Variants in NAALADL2 observed in about 807,000 individuals in gnomAD.
NAALADL2 encodes N-acetylated alpha-linked acidic dipeptidase like 2, also known as inactive N-acetylated-alpha-linked acidic dipeptidase-like protein 2.
A neutral mutation model predicts 87.2 loss-of-function variants in NAALADL2; 76 were observed. The observed-to-expected ratio is 0.87, with a 90% CI of 0.72 to 1.05. NAALADL2 has a LOEUF of 1.05. Among genes scored for constraint, NAALADL2 ranks in the 50% least tolerant of loss-of-function variants. The pLI is 0.00. For synonymous variants in NAALADL2, 354 were observed against 331.0 expected, an observed-to-expected ratio of 1.07 and a Z score of -0.75; for missense variants, 1,089 against 945.8, an observed-to-expected ratio of 1.15 and a Z score of -1.99.
intron 1 of NAALADL2, among the ~76,000 whole-genome samples, chr3:174,477,867 G>GT (rs1255673621): frequency 6.6e-6 from 1 of 152,166 alleles, no homozygotes; most frequent in Non-Finnish European, 1.5e-5. Context: ...TTCTTTCAAT[G>GT]TTAGCCATGA....
At chr3:175,231,347 G>A (rs1744913827) in intron 2 of NAALADL2, among the ~76,000 whole-genome samples, 1 of 151,834 alleles carries the variant, frequency 6.6e-6, no homozygotes, top group African/African-American at 2.4e-5. Flanking sequence ...CGTATACGTT[G>A]TATATTATCT....
intron 2 of NAALADL2, among the ~76,000 whole-genome samples, chr3:174,727,032 TC>T (rs1415371059): frequency 3.9e-5 from 6 of 152,118 alleles, no homozygotes; most frequent in African/African-American, 1.4e-4. Flanking sequence ...TGCCTTAGAT[TC>T]TAGGGATGAA....
At chr3:175,093,217 A>C (rs1280230511) in intron 1 of NAALADL2, among the ~76,000 whole-genome samples, 3 of 151,542 alleles carry the variant, frequency 2.0e-5, no homozygotes, top group Admixed American at 1.3e-4. Context: ...TAAATATAAA[A>C]TTTTCATGTT....
At chr3:175,566,187 G>A (rs1020057556) in intron 9 of NAALADL2, among the ~76,000 whole-genome samples, 1 of 152,098 alleles carries the variant, frequency 6.6e-6, no homozygotes, top group Non-Finnish European at 1.5e-5. Context: ...GGGAGTCTTA[G>A]AATTGGGGAC....
At chr3:174,811,602 A>AT (rs1720218974) in intron 3 of NAALADL2, among the ~76,000 whole-genome samples, 1 of 152,080 alleles carries the variant, frequency 6.6e-6, no homozygotes, top group African/African-American at 2.4e-5. Flanking sequence ...ATTGTTTTTT[A>AT]TTTTATGAGC....
intron 3 of NAALADL2, among the ~76,000 whole-genome samples, chr3:174,834,666 A>AAAACAAATT (rs1723127702): frequency 6.6e-6 from 1 of 151,908 alleles, no homozygotes; most frequent in Non-Finnish European, 1.5e-5. Flanking sequence ...AATACTATTA[A>AAAACAAATT]AAACAAATTA....
At chr3:175,698,280 T>G (rs189469911) in intron 11 of NAALADL2, among the ~76,000 whole-genome samples, 2 of 97,470 alleles carry the variant, frequency 2.1e-5, no homozygotes, top group African/African-American at 5.3e-5. Flanking sequence ...TATATGTGTA[T>G]ATATGTATGT....
chr3:175,640,922 T>A (rs920431823), intron 11 of NAALADL2, among the ~76,000 whole-genome samples: 1 of 152,176 alleles, frequency 6.6e-6, no homozygotes, highest in Non-Finnish European at 1.5e-5. Flanking sequence ...AGAGAGCCAA[T>A]ACATAGATGC....
intron 4 of NAALADL2, among the ~76,000 whole-genome samples, chr3:175,264,632 CAG>C (rs1751624874): frequency 6.6e-6 from 1 of 151,348 alleles, no homozygotes; most frequent in Non-Finnish European, 1.5e-5. Flanking sequence ...TGGAATAAAA[CAG>C]ATATAAATAA....
At chr3:175,567,866 T>C (rs2149532244) in intron 9 of NAALADL2, among the ~76,000 whole-genome samples, 1 of 151,984 alleles carries the variant, frequency 6.6e-6, no homozygotes, top group Non-Finnish European at 1.5e-5. Flanking sequence ...CAGGCGTGTG[T>C]CATAACACCC....
chr3:175,416,810 G>A (rs1412883139), intron 5 of NAALADL2, among the ~76,000 whole-genome samples: 1 of 151,622 alleles, frequency 6.6e-6, no homozygotes, highest in Middle Eastern at 3.2e-3. Context: ...TGAGATGATT[G>A]CAAAAAAAAG....
chr3:174,991,149 C>A (rs1746683888), intron 1 of NAALADL2, among the ~76,000 whole-genome samples: 1 of 152,054 alleles, frequency 6.6e-6, no homozygotes, highest in South Asian at 2.1e-4. Context: ...TGAATATTTT[C>A]AATTGACATT....
At chr3:175,234,946 T>C (rs967578859) in intron 3 of NAALADL2, 5 of 152,166 alleles carry the variant, frequency 3.3e-5, no homozygotes, top group African/African-American at 1.2e-4. Flanking sequence ...GAGCATAGCC[T>C]ATAGTAAGAA....
At position 175,381,495 on chromosome 3, in the gene NAALADL2, ATCT is replaced by A. The variant is rs766632079; in HGVS notation, c.1090+57175_1090+57177del. On this transcript the variant is annotated intron_variant, in intron 5 of 13. Transcript: ENST00000454872. ...TATTTATTAGTAATGATTCATAATA[ATCT>A]TCTTAAATTATTTACATATTTTAAA... Among the ~76,000 whole-genome samples, 282 of 152,098 alleles carry A rather than the reference ATCT, an allele frequency of 1.9e-3. 1 individual carries two copies. The highest frequency in any genetic ancestry group is 3.6e-3 in the Middle Eastern group (1 of 274).
intron 3 of NAALADL2, among the ~76,000 whole-genome samples, chr3:174,789,882 C>T (rs542323596): frequency 6.6e-6 from 1 of 152,188 alleles, no homozygotes; most frequent in African/African-American, 2.4e-5. Context: ...CACAAAGACC[C>T]TGCTGAGGAG....
At chr3:174,770,680 T>A (rs2687771) in intron 3 of NAALADL2, among the ~76,000 whole-genome samples, 80,309 of 151,446 alleles carry the variant, frequency 0.53, 21,639 homozygotes, top group Middle Eastern at 0.64. Flanking sequence ...CTCTACTAAA[T>A]GTACAAAAAA....
chr3:174,459,150 T>G (rs1272322787), intron 1 of NAALADL2: 1 of 152,226 alleles, frequency 6.6e-6, no homozygotes, highest in Non-Finnish European at 1.5e-5. Flanking sequence ...CTTTTATATA[T>G]TAAGAACATT....
chr3:174,536,592 C>T (rs1409513978), intron 1 of NAALADL2: 1 of 152,108 alleles, frequency 6.6e-6, no homozygotes, highest in East Asian at 1.9e-4. Flanking sequence ...AGCTTTGTCA[C>T]AAACTGTCTT....
chr3:174,782,201 T>TAACACTGCCCCTCACTGAGTAC (rs1716072044), intron 3 of NAALADL2, among the ~76,000 whole-genome samples: 1 of 152,144 alleles, frequency 6.6e-6, no homozygotes, highest in Admixed American at 6.6e-5. Flanking sequence ...ATCCTGAGAA[T>TAACACTGCCCCTCACTGAGTAC]AACACTGCCC....
Sources: gnomAD v4.1 joint callset for allele counts (sites outside exome capture counted in the v4.1 genomes callset) on GRCh38, gnomAD v4.1.1 for gene constraint, MANE v1.5 for transcripts, NCBI Gene and HGNC (gene_info 2026-07-23, HGNC 2026-07-21) for gene names.